ARHGAP42: variants seen among roughly 807,000 people sequenced by gnomAD.
ARHGAP42 encodes the protein Rho GTPase activating protein 42, also known as rho GTPase-activating protein 42.
ARHGAP42 carries 63 observed loss-of-function variants against 125.0 expected under a neutral mutation model. The observed-to-expected ratio is 0.50, with a 90% CI of 0.41 to 0.62. ARHGAP42 has a LOEUF of 0.62. Among genes scored for constraint, ARHGAP42 ranks in the 20% least tolerant of loss-of-function variants. The pLI is 0.00. For missense variants in ARHGAP42, 766 were observed against 1,024.2 expected (o/e 0.75, Z 3.44); for synonymous variants, 339 against 351.0 (o/e 0.97, Z 0.38).
At chr11:100,719,773 A>G (rs1861728892) in intron 1 of ARHGAP42, among the ~76,000 whole-genome samples, 1 of 152,218 alleles carries the variant, frequency 6.6e-6, no homozygotes, top group Non-Finnish European at 1.5e-5. Flanking sequence ...GATATTGCAC[A>G]TCCTGAGCCT....
chr11:100,731,660 T>G (rs568378849), intron 1 of ARHGAP42, among the ~76,000 whole-genome samples: 3 of 152,288 alleles, frequency 2.0e-5, no homozygotes, highest in Admixed American at 6.5e-5. Flanking sequence ...TTGAGTGTTA[T>G]CTGAGCTGCT....
intron 1 of ARHGAP42, among the ~76,000 whole-genome samples, chr11:100,705,030 AAAAGAG>A (rs1276769266): frequency 2.1e-5 from 3 of 144,944 alleles, no homozygotes; most frequent in African/African-American, 7.8e-5. Flanking sequence ...AAAAAAAAAA[AAAAGAG>A]AGAAGAAAAG....
chr11:100,694,766 C>T lies in ARHGAP42; in HGVS notation c.154+6934C>T, dbSNP rs1296876948. Among the ~76,000 whole-genome samples the T allele has an allele frequency of 3.3e-5, 5 of 152,318 alleles. No homozygotes were observed. In the East Asian group the frequency reaches 7.7e-4, roughly 24 times the overall value. ...TGCTGAGGCCAGGCGTGGTGGCTCA[C>T]GGCTGTAATCCTAGCACTTTGGGAG... On this transcript the variant is annotated intron_variant, in intron 1 of 23. Coordinates refer to ENST00000298815, the MANE Select transcript of ARHGAP42 (RefSeq NM_152432.4).
At chr11:100,966,736 A>G (rs1858104965) in intron 17 of ARHGAP42, among the ~76,000 whole-genome samples, 1 of 152,142 alleles carries the variant, frequency 6.6e-6, no homozygotes, top group African/African-American at 2.4e-5. Context: ...TCTACTATCT[A>G]TCTTTCTATA....
chr11:100,919,569 C>CT (rs1473277637), intron 5 of ARHGAP42, among the ~76,000 whole-genome samples: 4 of 152,040 alleles, frequency 2.6e-5, no homozygotes, highest in African/African-American at 7.2e-5. Flanking sequence ...TGTATTTTTT[C>CT]TTTTTTAAAA....
chr11:100,698,929 G>C (rs1861340843), intron 1 of ARHGAP42, among the ~76,000 whole-genome samples: 2 of 152,112 alleles, frequency 1.3e-5, no homozygotes, highest in South Asian at 4.1e-4. Flanking sequence ...CTTTTGCTAA[G>C]GCTATTACTT....
At chr11:100,866,416 C>T (rs548560669) in intron 4 of ARHGAP42, among the ~76,000 whole-genome samples, 12 of 152,290 alleles carry the variant, frequency 7.9e-5, no homozygotes, top group South Asian at 2.1e-4. Context: ...TTTACCTTGC[C>T]TAGATCTATC....
At chr11:100,715,395 A>G (rs1223928664) in intron 1 of ARHGAP42, among the ~76,000 whole-genome samples, 1 of 152,102 alleles carries the variant, frequency 6.6e-6, no homozygotes, top group Non-Finnish European at 1.5e-5. Flanking sequence ...CCTAGAGTGG[A>G]ATAGTTTCAG....
At chr11:100,785,682 G>A (rs1376449772) in intron 2 of ARHGAP42, among the ~76,000 whole-genome samples, 1 of 152,166 alleles carries the variant, frequency 6.6e-6, no homozygotes, top group Non-Finnish European at 1.5e-5. Context: ...CAGGAAACAT[G>A]GGGGCAGTGC....
At chr11:100,889,104 G>A (rs1295609387) in intron 4 of ARHGAP42, among the ~76,000 whole-genome samples, 1 of 152,180 alleles carries the variant, frequency 6.6e-6, no homozygotes, top group African/African-American at 2.4e-5. Context: ...CACTCAGCGT[G>A]TCGACAAAAT....
At chr11:100,943,312 C>T (rs1480970369) in intron 9 of ARHGAP42, among the ~76,000 whole-genome samples, 1 of 151,948 alleles carries the variant, frequency 6.6e-6, no homozygotes, top group African/African-American at 2.4e-5. Flanking sequence ...ATTTAAGGCT[C>T]TAATACAAAG....
At chr11:100,975,481 C>T (rs976776707) in intron 19 of ARHGAP42, among the ~76,000 whole-genome samples, 1 of 152,042 alleles carries the variant, frequency 6.6e-6, no homozygotes, top group African/African-American at 2.4e-5. Context: ...AGCAAAATAG[C>T]CAGTTTCTTA....
chr11:100,935,507 T>C (rs1222665002), intron 7 of ARHGAP42, among the ~76,000 whole-genome samples: 1 of 152,190 alleles, frequency 6.6e-6, no homozygotes, highest in Non-Finnish European at 1.5e-5. Context: ...TTTGTTTTTT[T>C]CCCTCAAAAG....
rs1316626202 is a variant in ARHGAP42 at position 100,862,930 on chromosome 11, G to A, written c.384+3305G>A. ...TGCATGCCTGTAATCCCAGCTACTC[G>A]GGAGGCTGAGGCAGGAGAATTGCTT... On this transcript the variant is annotated intron_variant, in intron 4 of 23. Transcript: ENST00000298815. Among the ~76,000 whole-genome samples, 8 of 151,548 alleles carry A rather than the reference G, an allele frequency of 5.3e-5. No homozygotes were observed. The East Asian group carries it at 5.8e-4, about 11-fold the overall frequency.
chr11:100,975,983 C>T, intron 19 of ARHGAP42, 74 bp from the exon 20 acceptor site: 3 of 1,428,956 alleles, frequency 2.1e-6, no homozygotes, highest in East Asian at 2.5e-5. Context: ...AGTTGGAGAA[C>T]AGAAGGGTTT....
intron 4 of ARHGAP42, among the ~76,000 whole-genome samples, chr11:100,871,603 A>G (rs567071321): frequency 3.3e-5 from 5 of 152,206 alleles, no homozygotes; most frequent in African/African-American, 9.6e-5. Context: ...AAAATTAACT[A>G]AAACTTTTTG....
chr11:100,690,473 T>G (rs567937637), intron 1 of ARHGAP42, among the ~76,000 whole-genome samples: 26 of 152,234 alleles, frequency 1.7e-4, no homozygotes, highest in Non-Finnish European at 3.7e-4. Context: ...ATTTCTTCAG[T>G]AGACTATTTG....
chr11:100,927,806 C>T (rs2155443), intron 6 of ARHGAP42, among the ~76,000 whole-genome samples: 1 of 152,046 alleles, frequency 6.6e-6, no homozygotes, highest in Non-Finnish European at 1.5e-5. Flanking sequence ...TGAGGCGATG[C>T]ATGGCCACGG....
intron 2 of ARHGAP42, among the ~76,000 whole-genome samples, chr11:100,775,283 C>T (rs762764864): frequency 2.6e-5 from 4 of 152,010 alleles, no homozygotes; most frequent in African/African-American, 2.4e-5. Flanking sequence ...GCTAGACACG[C>T]GGGGCTCAGA....
Sources: gnomAD v4.1 joint callset for allele counts (sites outside exome capture counted in the v4.1 genomes callset) on GRCh38, gnomAD v4.1.1 for gene constraint, MANE v1.5 for transcripts, NCBI Gene and HGNC (gene_info 2026-07-23, HGNC 2026-07-21) for gene names.